Variants in SYCP2 observed in about 807,000 individuals in gnomAD.
The protein encoded by SYCP2 is synaptonemal complex lateral element protein.
Under a neutral mutation model 211.3 loss-of-function variants are expected in SYCP2, and 55 were observed. The ratio of observed to expected loss-of-function variants is 0.26; its 90% CI spans 0.21 to 0.33. SYCP2 has a LOEUF of 0.33. SYCP2 is among the 10% of genes least tolerant of loss of function. SYCP2 has a pLI of 1.00. For synonymous variants in SYCP2, 570 were observed against 555.2 expected (o/e 1.03, Z -0.37); for missense variants, 1,731 against 1,752.0 (o/e 0.99, Z 0.21).
chr20:59,923,918 A>G (rs182942980), intron 2 of SYCP2, among the ~76,000 whole-genome samples: 81 of 152,042 alleles, frequency 5.3e-4, no homozygotes, highest in African/African-American at 1.9e-3. Flanking sequence ...TTACATATCA[A>G]TAATTACATT....
In SYCP2 at chr20:59,868,849, G is replaced by T; in HGVS notation, c.3818C>A (p.Ala1273Asp). The T allele has an allele frequency of 6.2e-7, 1 of 1,608,278 alleles. No individual in the cohort carries two copies. Reference protein sequence around the residue: ...EKTWFDMPCDATHVSGPTQHL... With the variant: ...EKTWFDMPCDDTHVSGPTQHL... ...TGACTACAAACCTGATACATGAGTA[G>T]CATCACAGGGCATGTCAAACCACGT... The change falls in exon 37 of 45, where the codon GCT becomes GAT. Residue 1273 changes from alanine (A) to aspartate (D), a missense_variant. Transcript: ENST00000357552.
intron 38 of SYCP2, 43 bp downstream of exon 38, chr20:59,868,370 C>A: frequency 1.3e-6 from 2 of 1,578,112 alleles, no homozygotes; most frequent in Non-Finnish European, 1.7e-6. Flanking sequence ...AAGAACCACC[C>A]TCCAAATAAC....
In SYCP2 at chr20:59,915,148, G is replaced by A. The variant is rs111867631; in HGVS notation, c.634+17C>T. 1.3e-6 allele frequency: 2 copies of A among 1,505,504 alleles called. No homozygotes were observed. Among genetic ancestry groups the A allele is most frequent in the Middle Eastern group, 1.7e-4 (1 of 5,848 alleles). 93.3% of individuals were successfully genotyped at this position (1,505,504 alleles called of 1,614,324 possible). A position where few individuals can be genotyped will look rare whatever the true frequency, so the allele number is the denominator to read the frequency against. ...ATAAATATGGAATAATTTTAGATTT[G>A]GAAAAGACATACTTACCTCCAGCAT... On this transcript the variant is annotated intron_variant, in intron 10 of 44. Transcript: ENST00000357552.
At chr20:59,876,741 C>T (rs1272716190) in intron 33 of SYCP2, among the ~76,000 whole-genome samples, 2 of 151,938 alleles carry the variant, frequency 1.3e-5, no homozygotes, top group Non-Finnish European at 2.9e-5. Flanking sequence ...GCAGTTGACA[C>T]ATTGTAAGCA....
At chr20:59,930,890 G>A (rs2060726773) in intron 2 of SYCP2, among the ~76,000 whole-genome samples, 1 of 152,042 alleles carries the variant, frequency 6.6e-6, no homozygotes. Context: ...GATACATTTT[G>A]AGTATAACAC....
At chr20:59,873,774 G>C in intron 35 of SYCP2, 82 bp downstream of exon 35, 2 of 1,205,172 alleles carry the variant, frequency 1.7e-6, no homozygotes, top group Non-Finnish European at 1.2e-6. Flanking sequence ...CAAGCAATGT[G>C]TATCTGATTA....
At chr20:59,879,856 TATATA>T (rs1431953183) in intron 31 of SYCP2, among the ~76,000 whole-genome samples, 1 of 114,508 alleles carries the variant, frequency 8.7e-6, no homozygotes, top group Non-Finnish European at 1.8e-5. Flanking sequence ...TATATATATA[TATATA>T]TACACACACA....
intron 44 of SYCP2, 112 bp downstream of exon 44, chr20:59,865,276 A>G: frequency 1.2e-6 from 1 of 824,248 alleles, no homozygotes; most frequent in Non-Finnish European, 1.9e-6. Context: ...GGCTAAAACT[A>G]TTTTCTCTCA....
chr20:59,897,664 A>G (rs1271379404), intron 18 of SYCP2, among the ~76,000 whole-genome samples: 1 of 152,184 alleles, frequency 6.6e-6, no homozygotes, highest in Non-Finnish European at 1.5e-5. Context: ...ATTGAGAACA[A>G]AAGACTAAAA....
At chr20:59,869,184 C>T (rs377340896) in intron 36 of SYCP2, among the ~76,000 whole-genome samples, 24 of 151,568 alleles carry the variant, frequency 1.6e-4, no homozygotes, top group African/African-American at 5.8e-4. Flanking sequence ...ATTAGGATTT[C>T]CATTTCTTTG....
At chr20:59,928,693 C>A (rs2060678290) in intron 2 of SYCP2, among the ~76,000 whole-genome samples, 1 of 152,004 alleles carries the variant, frequency 6.6e-6, no homozygotes, top group Admixed American at 6.6e-5. Flanking sequence ...ATATTTGAGT[C>A]AGATGGTTTC....
chr20:59,907,442 G>A lies in SYCP2; in HGVS notation c.973-18C>T. 1.3e-6 allele frequency: 2 copies of A among 1,596,562 alleles called. No homozygotes were observed. The highest frequency in any genetic ancestry group is 1.7e-6 in the Non-Finnish European group (2 of 1,170,744). On this transcript the variant is annotated intron_variant, in intron 14 of 44. Coordinates refer to ENST00000357552, the MANE Select transcript of SYCP2 (RefSeq NM_014258.4). ...TGATGATCCTTAAATTTAAAAGCAG[G>A]TTTTGGCCATAAATAATTTATTTCT...
rs1029872276 is a variant in SYCP2, at chr20:59,919,410, A to C, written c.402+83T>G. ...ACCAACCAATCTGTTAGTGACTTTT[A>C]GGCTCAGGGCACAGAGAACACAAAT... On this transcript the variant is annotated intron_variant, in intron 6 of 44. Transcript: ENST00000357552. 4.8e-6 allele frequency: 5 copies of C among 1,039,456 alleles called. No homozygotes were observed. The African/African-American group carries it at 8.1e-5, about 17-fold the overall frequency. 64.4% of individuals were successfully genotyped at this position (1,039,456 alleles called of 1,614,324 possible).
intron 24 of SYCP2, 151 bp downstream of exon 24, chr20:59,891,839 G>T: frequency 9.4e-6 from 6 of 639,568 alleles, no homozygotes; most frequent in South Asian, 8.9e-5. Flanking sequence ...CAAGGGAGAG[G>T]TGAGTGAGGA....
At chr20:59,866,223 A>C in intron 41 of SYCP2, 70 bp downstream of exon 41, 1 of 992,048 alleles carries the variant, frequency 1.0e-6, no homozygotes, top group Non-Finnish European at 1.5e-6. Flanking sequence ...CAAAAAAGAA[A>C]GTTTTTCCAA....
intron 28 of SYCP2, among the ~76,000 whole-genome samples, chr20:59,881,708 G>GA (rs1361192754): frequency 6.8e-6 from 1 of 146,360 alleles, no homozygotes; most frequent in African/African-American, 2.5e-5. Flanking sequence ...TCTTGGTAGT[G>GA]AAGGCTTTCT....
At position 59,919,530 on chromosome 20, in the gene SYCP2, A is replaced by T; in HGVS notation, c.365T>A (p.Val122Asp). Residue 122 changes from valine (V) to aspartate (D), a missense_variant, in exon 6 of 45, where the codon GTT becomes GAT. Val to Asp is a radical substitution (Grantham distance 152). Around this residue, in one of 3 missense-constraint regions of SYCP2, gnomAD observed 335 missense variants for 378.8 expected, o/e 0.88. Coordinates refer to ENST00000357552, the MANE Select transcript of SYCP2 (RefSeq NM_014258.4). ...QSQGNSKDEA[V>D]LNMIEDLVDL... ...AACTAAGTCTTCTATCATATTTAGA[A>T]CAGCTTCATCTTTTGAATTTCCTTG... The T allele has an allele frequency of 6.2e-7, 1 of 1,609,218 alleles. No individual in the cohort carries two copies. Among genetic ancestry groups the T allele is most frequent in the Non-Finnish European group, 8.5e-7 (1 of 1,176,776 alleles).
Position 59,919,473 on chromosome 20 carries a change from G to A in SYCP2, c.402+20C>T, listed in dbSNP as rs566277853. The A allele has an allele frequency of 3.0e-5, 44 of 1,445,614 alleles. No individual in the cohort carries two copies. The Admixed American group carries it at 4.8e-4, about 16-fold the overall frequency. The allele number at this position is 1,445,614 out of a possible 1,614,324, so 89.5% of individuals were successfully genotyped here. On this transcript the variant is annotated intron_variant, in intron 6 of 44. Coordinates refer to ENST00000357552, the MANE Select transcript of SYCP2 (RefSeq NM_014258.4). ...AAACACATGCTTTATAAATATCAGT[G>A]TAATCAATGTGATTTTTACCAGCAG...
At chr20:59,904,579 T>C (rs914732372) in intron 15 of SYCP2, among the ~76,000 whole-genome samples, 1 of 152,188 alleles carries the variant, frequency 6.6e-6, no homozygotes, top group Non-Finnish European at 1.5e-5. Context: ...GGAGCATCTA[T>C]TGTTCCTGTA....
Sources: gnomAD v4.1 joint callset for allele counts (sites outside exome capture counted in the v4.1 genomes callset) on GRCh38, gnomAD v4.1.1 for gene constraint, gnomAD v4.1.1 regional missense constraint, MANE v1.5 for transcripts, NCBI Gene and HGNC (gene_info 2026-07-23, HGNC 2026-07-21) for gene names.